ELOVL5: variants seen among roughly 807,000 people sequenced by gnomAD.
ELOVL5 encodes the protein ELOVL fatty acid elongase 5.
Under a neutral mutation model 38.6 loss-of-function variants are expected in ELOVL5, and 8 were observed. The ratio of observed to expected loss-of-function variants is 0.21; its 90% CI spans 0.12 to 0.37. The LOEUF is 0.37. ELOVL5 is among the 10% of genes least tolerant of loss of function. The probability of loss-of-function intolerance (pLI) is 1.00; values close to 1 mark genes in which losing one functional copy is unlikely to be tolerated. For missense variants in ELOVL5, 280 were observed against 367.8 expected (o/e 0.76, Z 1.95); for synonymous variants, 127 against 133.7 (o/e 0.95, Z 0.34).
At chr6:53,338,680 C>T (rs1185446901) in intron 1 of ELOVL5, among the ~76,000 whole-genome samples, 1 of 152,124 alleles carries the variant, frequency 6.6e-6, no homozygotes, top group Non-Finnish European at 1.5e-5. Flanking sequence ...AACATCTAAA[C>T]CAAAAGACTG....
chr6:53,328,003 T>A (rs1768626779), intron 1 of ELOVL5, among the ~76,000 whole-genome samples: 1 of 152,082 alleles, frequency 6.6e-6, no homozygotes, highest in Non-Finnish European at 1.5e-5. Flanking sequence ...CTTTTCCACC[T>A]CCTGTATCCC....
intron 1 of ELOVL5, among the ~76,000 whole-genome samples, chr6:53,316,718 T>C (rs1768060456): frequency 7.5e-6 from 1 of 132,550 alleles, no homozygotes; most frequent in Admixed American, 7.6e-5. Context: ...GAGGGGGGAG[T>C]CCAAGCTCTT....
At chr6:53,279,403 T>G (rs1357985749) in intron 3 of ELOVL5, among the ~76,000 whole-genome samples, 2 of 152,346 alleles carry the variant, frequency 1.3e-5, no homozygotes, top group African/African-American at 4.8e-5. Flanking sequence ...TTCTCCTTCC[T>G]CTACCCTCAC....
intron 1 of ELOVL5, among the ~76,000 whole-genome samples, chr6:53,328,448 T>C (rs994582748): frequency 1.3e-5 from 2 of 152,218 alleles, no homozygotes; most frequent in African/African-American, 2.4e-5. Flanking sequence ...GCTAATGCTC[T>C]ATTTACAGTC....
At chr6:53,333,127 G>A (rs1306023335) in intron 1 of ELOVL5, among the ~76,000 whole-genome samples, 2 of 152,130 alleles carry the variant, frequency 1.3e-5, no homozygotes, top group Non-Finnish European at 2.9e-5. Flanking sequence ...GCAAGAGAAC[G>A]GTGTAGAGAA....
chr6:53,304,288 T>A (rs1211601829), intron 1 of ELOVL5, among the ~76,000 whole-genome samples: 2 of 152,200 alleles, frequency 1.3e-5, no homozygotes, highest in Non-Finnish European at 2.9e-5. Flanking sequence ...CGGGGAAAAC[T>A]TTCTCAGTGC....
At chr6:53,305,118 C>G (rs1767440078) in intron 1 of ELOVL5, among the ~76,000 whole-genome samples, 1 of 149,920 alleles carries the variant, frequency 6.7e-6, no homozygotes, top group Admixed American at 6.6e-5. Flanking sequence ...ACCCCCCCAC[C>G]TCCCTCCCAG....
intron 1 of ELOVL5, among the ~76,000 whole-genome samples, chr6:53,302,144 G>C (rs1288453360): frequency 6.6e-6 from 1 of 152,052 alleles, no homozygotes; most frequent in Non-Finnish European, 1.5e-5. Context: ...ATACTAACAC[G>C]AGCAGAACAA....
At chr6:53,306,601 A>C (rs1439118669) in intron 1 of ELOVL5, among the ~76,000 whole-genome samples, 1 of 152,140 alleles carries the variant, frequency 6.6e-6, no homozygotes, top group Non-Finnish European at 1.5e-5. Context: ...TCACAGCTAA[A>C]GAAGAAATGT....
intron 3 of ELOVL5, among the ~76,000 whole-genome samples, chr6:53,282,030 G>T (rs1001826907): frequency 4.6e-5 from 7 of 152,172 alleles, no homozygotes; most frequent in Non-Finnish European, 1.0e-4. Context: ...TCTTATGCTA[G>T]CAGTTCTCCC....
intron 3 of ELOVL5, among the ~76,000 whole-genome samples, chr6:53,289,169 A>C (rs1404208125): frequency 6.6e-6 from 1 of 152,286 alleles, no homozygotes; most frequent in Non-Finnish European, 1.5e-5. Flanking sequence ...AATTAAATAA[A>C]CAAAAATACC....
intron 2 of ELOVL5, chr6:53,294,330 T>G: frequency 6.3e-7 from 1 of 1,576,758 alleles, no homozygotes; most frequent in Non-Finnish European, 8.6e-7. Flanking sequence ...TTTTGAGGGA[T>G]GACAGCTGGC....
rs1768570806 is a variant in ELOVL5 at position 53,326,869 on chromosome 6, G to A, written c.-9+21948C>T. On this transcript the variant is annotated intron_variant, in intron 1 of 7. Transcript: ENST00000304434. Reference sequence around the variant, plus strand: ...CCTCACCATGCTTCCAGCAGAGCAGGAGGCACTCACAACAGGCGCTTGGCA... The same window carrying A: ...CCTCACCATGCTTCCAGCAGAGCAGAAGGCACTCACAACAGGCGCTTGGCA... Among the ~76,000 whole-genome samples, 3 of 152,144 alleles carry A rather than the reference G, an allele frequency of 2.0e-5. No homozygotes were observed. The South Asian group carries it at 6.2e-4, about 31-fold the overall frequency.
chr6:53,270,474 C>G, intron 7 of ELOVL5, 119 bp downstream of exon 7: 1 of 1,090,724 alleles, frequency 9.2e-7, no homozygotes, highest in East Asian at 2.5e-5. Flanking sequence ...CATAGTGACT[C>G]CATTAGAGGC....
chr6:53,272,464 C>T (rs1380115207), intron 6 of ELOVL5, among the ~76,000 whole-genome samples: 2 of 152,126 alleles, frequency 1.3e-5, no homozygotes, highest in Non-Finnish European at 2.9e-5. Context: ...AATCAGGCTA[C>T]TGGAACAATC....
At chr6:53,313,996 C>T (rs1033783456) in intron 1 of ELOVL5, among the ~76,000 whole-genome samples, 2 of 152,208 alleles carry the variant, frequency 1.3e-5, no homozygotes, top group African/African-American at 4.8e-5. Context: ...TCTTCTGTAA[C>T]CCTCCTTGGA....
At chr6:53,315,893 T>C (rs1768014173) in intron 1 of ELOVL5, among the ~76,000 whole-genome samples, 1 of 152,170 alleles carries the variant, frequency 6.6e-6, no homozygotes, top group South Asian at 2.1e-4. Flanking sequence ...GAGAAAGATG[T>C]AATCTGTAAT....
At position 53,273,328 on chromosome 6, in the gene ELOVL5, T is replaced by A. The variant is rs553585093; in HGVS notation, c.513A>T (p.Thr171=). 2.0e-5 allele frequency: 33 copies of A among 1,613,206 alleles called. No individual in the cohort carries two copies. Among genetic ancestry groups the A allele is most frequent in the African/African-American group, 4.0e-5 (3 of 74,830 alleles). Reference sequence around the variant, plus strand: ...TGAGGACGTGGATGAAGCTATTAAGTGTGGCACCAAAATAAGCTGCAGGAA... The same window carrying A: ...TGAGGACGTGGATGAAGCTATTAAGAGTGGCACCAAAATAAGCTGCAGGAA... The part of the protein sequence containing the change: ...VPCGHSYFGA[T]LNSFIHVLMY... The change falls in exon 6 of 8, where the codon ACA becomes ACT. Residue 171 remains threonine (T), a synonymous_variant. Transcript: ENST00000304434.
intron 1 of ELOVL5, among the ~76,000 whole-genome samples, chr6:53,305,387 C>T: frequency 7.9e-6 from 1 of 126,998 alleles, no homozygotes; most frequent in East Asian, 2.5e-4. Context: ...CTGACCCCCC[C>T]CCACCTCCCT....
Sources: allele counts gnomAD v4.1 joint callset (sites outside exome capture counted in the v4.1 genomes callset), GRCh38; gene constraint gnomAD v4.1.1; transcripts MANE v1.5; gene names NCBI Gene and HGNC (gene_info 2026-07-23, HGNC 2026-07-21).